Variants in TRPM8 observed in about 807,000 individuals in gnomAD.
TRPM8 encodes TRPM8 cationic channel.
A neutral mutation model predicts 133.7 loss-of-function variants in TRPM8; 110 were observed. That is an observed-to-expected ratio of 0.82 (90% CI 0.70 to 0.96). The LOEUF is 0.96. TRPM8 is among the 40% of genes least tolerant of loss of function. The pLI is 0.00. For synonymous variants in TRPM8, 535 were observed against 532.3 expected, an observed-to-expected ratio of 1.01 and a Z score of -0.07; for missense variants, 1,291 against 1,379.5, an observed-to-expected ratio of 0.94 and a Z score of 1.02.
Position 233,978,081 on chromosome 2 carries a change from CT to C in TRPM8, c.2356-2093del, listed in dbSNP as rs540222140. Among the ~76,000 whole-genome samples, 471 of 126,814 alleles carry C rather than the reference CT, an allele frequency of 3.7e-3. 2 individuals carry two copies. The highest frequency in any genetic ancestry group is 4.4e-3 in the African/African-American group (164 of 36,988). The allele number at this position is 126,814 out of a possible 152,430, so 83.2% of individuals were successfully genotyped here. ...ACTGTGTTCATCACCTTACAATTTG[CT>C]TTTTTTTTTTTTTAGAATTTCTCAT... On this transcript the variant is annotated intron_variant, in intron 17 of 25. Coordinates refer to ENST00000324695, the MANE Select transcript of TRPM8 (RefSeq NM_024080.5).
intron 22 of TRPM8, among the ~76,000 whole-genome samples, chr2:234,002,306 T>G (rs1692586527): frequency 6.6e-6 from 1 of 151,192 alleles, no homozygotes; most frequent in Non-Finnish European, 1.5e-5. Flanking sequence ...GAGACGAGAG[T>G]AAGGCTTGGA....
chr2:234,008,136 T>G (rs759832516), intron 24 of TRPM8, 33 bp downstream of exon 24: 45 of 1,583,156 alleles, frequency 2.8e-5, no homozygotes, highest in Non-Finnish European at 3.6e-5. Context: ...GATTTTTTTT[T>G]TTTTTTGGTC....
chr2:233,955,108 G>T, intron 10 of TRPM8, 24 bp from the exon 11 acceptor site: 1 of 1,569,454 alleles, frequency 6.4e-7, no homozygotes, highest in South Asian at 1.1e-5. Context: ...TTGGTGAGTT[G>T]AGTCTTTTCC....
At chr2:233,921,579 A>C (rs1691408626) in intron 1 of TRPM8, among the ~76,000 whole-genome samples, 1 of 152,136 alleles carries the variant, frequency 6.6e-6, no homozygotes, top group Non-Finnish European at 1.5e-5. Flanking sequence ...GAAAAGGGAG[A>C]ATCATTTATA....
intron 17 of TRPM8, among the ~76,000 whole-genome samples, chr2:233,971,076 A>G (rs1252662577): frequency 6.6e-6 from 1 of 152,230 alleles, no homozygotes; most frequent in African/African-American, 2.4e-5. Flanking sequence ...AAGTCATCCC[A>G]GAAAATCTTT....
chr2:233,989,510 G>A lies in TRPM8; in HGVS notation c.2939+3645G>A, dbSNP rs772899491. ...TGGGGACACCAGAACAGCGAGAGAC[G>A]CCGTGTTGTTATCCTTAGGTTAAAT... On this transcript the variant is annotated intron_variant, in intron 21 of 25. Coordinates refer to ENST00000324695, the MANE Select transcript of TRPM8 (RefSeq NM_024080.5). The surrounding 1 kb of genome is among the most constrained non-coding windows in gnomAD (Gnocchi z 4.2). Among the ~76,000 whole-genome samples the A allele has an allele frequency of 5.9e-5, 9 of 152,268 alleles. No individual in the cohort carries two copies. Among genetic ancestry groups the A allele is most frequent in the East Asian group, 1.9e-4 (1 of 5,182 alleles).
At chr2:233,940,591 A>G (rs1352782771) in intron 5 of TRPM8, among the ~76,000 whole-genome samples, 1 of 152,212 alleles carries the variant, frequency 6.6e-6, no homozygotes, top group African/African-American at 2.4e-5. Context: ...GAAGTGATTG[A>G]GGAAGTTGAA....
At position 233,970,335 on chromosome 2, in the gene TRPM8, T is replaced by G. The variant is rs763131949; in HGVS notation, c.2264T>G (p.Val755Gly). The G allele has an allele frequency of 1.2e-6, 2 of 1,614,204 alleles. No homozygotes were observed. The highest frequency in any genetic ancestry group is 2.2e-5 in the South Asian group (2 of 91,078). Residue 755 changes from valine to glycine, a missense_variant, in exon 17 of 26, where the codon GTG becomes GGG. Coordinates refer to ENST00000324695, the MANE Select transcript of TRPM8 (RefSeq NM_024080.5). ...YIAFLLLFAY[V>G]LLMDFHSVPH... ...GCCTTCCTCCTGCTGTTTGCCTACG[T>G]GCTGCTCATGGATTTCCATTCGGTG...
chr2:233,923,975 G>C (rs1048831647), intron 1 of TRPM8, among the ~76,000 whole-genome samples: 5 of 152,198 alleles, frequency 3.3e-5, no homozygotes, highest in Non-Finnish European at 5.9e-5. Flanking sequence ...GAAGAGCAGG[G>C]AGGCTGCAGT....
intron 15 of TRPM8, among the ~76,000 whole-genome samples, chr2:233,968,696 T>C (rs1348132804): frequency 6.6e-6 from 1 of 151,926 alleles, no homozygotes; most frequent in Non-Finnish European, 1.5e-5. Flanking sequence ...CCTCTGTTCC[T>C]GAGACACACC....
intron 9 of TRPM8, among the ~76,000 whole-genome samples, chr2:233,951,419 T>G (rs545903679): frequency 6.6e-6 from 1 of 152,306 alleles, no homozygotes; most frequent in African/African-American, 2.4e-5. Flanking sequence ...CGGATGACTC[T>G]TAATTTATTC....
rs1254880329 is a variant in TRPM8, at chr2:234,017,884, C to T, written c.*628C>T. ...CTTGCTCTCTTGGACTCACCAGGCT[C>T]CTATTGAAGGAACCACCCCCATTCC... is the stretch of plus-strand genomic sequence containing the variant. On this transcript the variant is annotated 3_prime_UTR_variant, in exon 26 of 26. Transcript: ENST00000324695. 1.3e-5 allele frequency: 2 copies of T among 152,218 alleles called. No homozygotes were observed. The highest frequency in any genetic ancestry group is 4.8e-5 in the African/African-American group (2 of 41,432). 9.4% of individuals were successfully genotyped at this position (152,218 alleles called of 1,614,324 possible). A position where few individuals can be genotyped will look rare whatever the true frequency, so the allele number is the denominator to read the frequency against.
intron 17 of TRPM8, among the ~76,000 whole-genome samples, chr2:233,975,342 C>T (rs1424065676): frequency 1.3e-5 from 2 of 152,184 alleles, no homozygotes; most frequent in Admixed American, 6.5e-5. Flanking sequence ...CGCTGGGGAG[C>T]TGGAGAGGAA....
At chr2:233,994,440 C>T (rs1692354853) in intron 21 of TRPM8, among the ~76,000 whole-genome samples, 1 of 152,168 alleles carries the variant, frequency 6.6e-6, no homozygotes, top group South Asian at 2.1e-4. Flanking sequence ...AGTCAACCAA[C>T]CAATTTACAG....
intron 15 of TRPM8, among the ~76,000 whole-genome samples, chr2:233,969,423 G>T (rs1691652233): frequency 6.6e-6 from 1 of 152,134 alleles, no homozygotes. Context: ...GGAGGTGGAG[G>T]TTGTGGTGAG....
At chr2:233,953,852 A>C in intron 9 of TRPM8, 65 bp from the exon 10 acceptor site, 1 of 1,247,958 alleles carries the variant, frequency 8.0e-7, no homozygotes, top group Admixed American at 2.1e-5. Flanking sequence ...TCACAAAAAG[A>C]AAGAAGTTTA....
chr2:233,937,821 C>T (rs746103271), intron 4 of TRPM8, among the ~76,000 whole-genome samples: 4 of 152,188 alleles, frequency 2.6e-5, no homozygotes, highest in Non-Finnish European at 5.9e-5. Flanking sequence ...CTTTTGTGAA[C>T]CCTACTGCTT....
Position 233,946,032 on chromosome 2 carries a change from T to C in TRPM8, c.874+2T>C. 1 of 1,613,784 alleles carries C rather than the reference T, an allele frequency of 6.2e-7. No individual in the cohort carries two copies. The highest frequency in any genetic ancestry group is 8.5e-7 in the Non-Finnish European group (1 of 1,179,778). The stretch of plus-strand genomic sequence containing the variant: ...ATATCTCTGAGCGCACTATTCAAGG[T>C]CAGTGGTTAGGAGGTAGGACACTAG... On this transcript the variant is annotated splice_donor_variant, in intron 7 of 25. Coordinates refer to ENST00000324695, the MANE Select transcript of TRPM8 (RefSeq NM_024080.5). LOFTEE classifies it high-confidence loss of function.
At chr2:233,961,909 G>A (rs1331373709) in intron 12 of TRPM8, among the ~76,000 whole-genome samples, 4 of 152,008 alleles carry the variant, frequency 2.6e-5, no homozygotes, top group Admixed American at 2.0e-4. Flanking sequence ...GATTACAGGC[G>A]TGAACCACCG....
Sources: gnomAD v4.1 joint callset for allele counts (sites outside exome capture counted in the v4.1 genomes callset) on GRCh38, gnomAD v4.1.1 for gene constraint, Gnocchi (gnomAD v3.1) non-coding constraint, MANE v1.5 for transcripts, NCBI Gene and HGNC (gene_info 2026-07-23, HGNC 2026-07-21) for gene names.